GALNT13: variants seen among roughly 807,000 people sequenced by gnomAD.
GALNT13 encodes the protein polypeptide N-acetylgalactosaminyltransferase 13.
GALNT13 carries 28 observed loss-of-function variants against 64.2 expected under a neutral mutation model. The ratio of observed to expected loss-of-function variants is 0.44; its 90% CI spans 0.32 to 0.60. The LOEUF is 0.60. Ranked by LOEUF, GALNT13 falls within the 20% of genes least tolerant of loss-of-function variation. The pLI is 0.05. For synonymous variants in GALNT13, 214 were observed against 224.6 expected (o/e 0.95, Z 0.42); for missense variants, 577 against 669.8 (o/e 0.86, Z 1.53).
At chr2:153,754,587 TG>T in the GALNT13 span, among the ~76,000 whole-genome samples, 1 of 152,142 alleles carries the variant, frequency 6.6e-6, no homozygotes, top group African/African-American at 2.4e-5. Flanking sequence ...CTCTTCCCGC[TG>T]CTCTGCTCAA....
At chr2:154,386,012 C>T (rs576301743) in intron 9 of GALNT13, among the ~76,000 whole-genome samples, 416 of 152,082 alleles carry the variant, frequency 2.7e-3, no homozygotes, top group African/African-American at 9.3e-3. Context: ...AGTCAAAGGC[C>T]TCAGCATAAC....
the GALNT13 span, among the ~76,000 whole-genome samples, chr2:153,251,677 G>A: frequency 7.3e-6 from 1 of 136,490 alleles, no homozygotes; most frequent in South Asian, 2.3e-4. Context: ...GGGTCCATGT[G>A]TTCTCATTGT....
At chr2:154,242,994 G>A in intron 6 of GALNT13, 89 bp downstream of exon 6, 2 of 1,080,594 alleles carry the variant, frequency 1.9e-6, no homozygotes, top group African/African-American at 1.6e-5. Flanking sequence ...CTTCCAAGTT[G>A]CTATTTTTAG....
intron 3 of GALNT13, among the ~76,000 whole-genome samples, chr2:154,068,413 C>T (rs1456395771): frequency 6.6e-6 from 1 of 151,868 alleles, no homozygotes; most frequent in African/African-American, 2.4e-5. Flanking sequence ...AGACATACTC[C>T]CATGTTTATT....
intron 9 of GALNT13, among the ~76,000 whole-genome samples, chr2:154,393,416 C>T (rs1346463696): frequency 6.6e-6 from 1 of 152,120 alleles, no homozygotes; most frequent in Admixed American, 6.5e-5. Context: ...TGGCCAGGAC[C>T]AGTTAGATGT....
At chr2:153,615,193 A>G in the GALNT13 span, among the ~76,000 whole-genome samples, 3 of 151,980 alleles carry the variant, frequency 2.0e-5, no homozygotes, top group African/African-American at 7.2e-5. Flanking sequence ...TGTTGTCACA[A>G]ATGACTGGAT....
chr2:153,329,976 G>A, the GALNT13 span, among the ~76,000 whole-genome samples: 7 of 152,164 alleles, frequency 4.6e-5, no homozygotes, highest in Non-Finnish European at 8.8e-5. Flanking sequence ...CAGCAGTCCA[G>A]TTTCATTCTT....
chr2:153,131,167 G>A, the GALNT13 span, among the ~76,000 whole-genome samples: 1 of 152,010 alleles, frequency 6.6e-6, no homozygotes, highest in South Asian at 2.1e-4. Context: ...CTAGATTGGG[G>A]GTTTTAGTCC....
upstream of GALNT13, among the ~76,000 whole-genome samples, chr2:153,871,640 G>T (rs531831147): frequency 3.9e-5 from 6 of 152,318 alleles, no homozygotes; most frequent in South Asian, 8.3e-4. Context: ...TGACCCCAGG[G>T]TTGCTCTTGG....
At chr2:153,166,621 A>ATATG in the GALNT13 span, among the ~76,000 whole-genome samples, 3 of 122,662 alleles carry the variant, frequency 2.4e-5, no homozygotes, top group African/African-American at 6.5e-5. Context: ...TGCCTACTGC[A>ATATG]TGTGTGTGTG....
the GALNT13 span, among the ~76,000 whole-genome samples, chr2:153,781,884 T>C: frequency 6.6e-6 from 1 of 152,202 alleles, no homozygotes. Context: ...GATTAGGTTA[T>C]GAAAAAGTGC....
At chr2:154,361,008 G>A (rs1439643881) in intron 9 of GALNT13, among the ~76,000 whole-genome samples, 1 of 152,050 alleles carries the variant, frequency 6.6e-6, no homozygotes, top group Non-Finnish European at 1.5e-5. Flanking sequence ...ACACAATTTG[G>A]AAAGATGGGT....
the GALNT13 span, among the ~76,000 whole-genome samples, chr2:153,435,735 G>A: frequency 2.0e-5 from 3 of 152,122 alleles, no homozygotes; most frequent in South Asian, 2.1e-4. Context: ...GGGCTGAGAT[G>A]ATGGGGTTTT....
intron 9 of GALNT13, among the ~76,000 whole-genome samples, chr2:154,333,113 C>T (rs1695255137): frequency 6.6e-6 from 1 of 151,930 alleles, no homozygotes; most frequent in Non-Finnish European, 1.5e-5. Flanking sequence ...GGAATGATTT[C>T]TAGGAGCCCC....
At chr2:153,359,228 A>C in the GALNT13 span, among the ~76,000 whole-genome samples, 1 of 152,214 alleles carries the variant, frequency 6.6e-6, no homozygotes, top group African/African-American at 2.4e-5. Flanking sequence ...GCCAGATCAA[A>C]GGGTATATGC....
At chr2:153,907,926 T>G (rs1007180383) in intron 2 of GALNT13, among the ~76,000 whole-genome samples, 1 of 152,138 alleles carries the variant, frequency 6.6e-6, no homozygotes, top group African/African-American at 2.4e-5. Context: ...ATATACCCAG[T>G]AATGGGATTG....
the GALNT13 span, among the ~76,000 whole-genome samples, chr2:153,170,366 C>A: frequency 6.6e-6 from 1 of 151,932 alleles, no homozygotes; most frequent in Admixed American, 6.6e-5. Flanking sequence ...AAGATTTAAG[C>A]AATTTTGTTT....
At chr2:153,196,454 G>T in the GALNT13 span, among the ~76,000 whole-genome samples, 1 of 152,110 alleles carries the variant, frequency 6.6e-6, no homozygotes, top group African/African-American at 2.4e-5. Context: ...CCTACTTCAG[G>T]ATTGGAGCAG....
intron 3 of GALNT13, among the ~76,000 whole-genome samples, chr2:154,135,838 A>C (rs1682920097): frequency 6.6e-6 from 1 of 152,158 alleles, no homozygotes. Flanking sequence ...CTTTTAAAAC[A>C]ATGAAAAAAG....
Sources: gnomAD v4.1 joint callset for allele counts (sites outside exome capture counted in the v4.1 genomes callset) on GRCh38, gnomAD v4.1.1 for gene constraint, MANE v1.5 for transcripts, NCBI Gene and HGNC (gene_info 2026-07-23, HGNC 2026-07-21) for gene names.